The following CD2AP variants were observed in gnomAD, a reference collection of about 807,000 sequenced individuals.
CD2AP encodes CD2-associated protein.
In CD2AP, 46 loss-of-function variants were observed where a neutral mutation model predicts 85.1. That is an observed-to-expected ratio of 0.54 (90% CI 0.43 to 0.69). The LOEUF (loss-of-function observed/expected upper bound fraction) is 0.69. Among genes scored for constraint, CD2AP ranks in the 30% least tolerant of loss-of-function variants. CD2AP has a pLI of 0.00. For synonymous variants in CD2AP, 255 were observed against 252.9 expected, an observed-to-expected ratio of 1.01 and a Z score of -0.08; for missense variants, 769 against 729.5, an observed-to-expected ratio of 1.05 and a Z score of -0.62.
chr6:47,560,353 C>T (rs1029377131), intron 5 of CD2AP, among the ~76,000 whole-genome samples: 1 of 152,058 alleles, frequency 6.6e-6, no homozygotes, highest in African/African-American at 2.4e-5. Context: ...TCTGTAATCT[C>T]CATACACCTT....
intron 3 of CD2AP, among the ~76,000 whole-genome samples, chr6:47,542,086 T>G (rs1018609671): frequency 6.6e-6 from 1 of 152,240 alleles, no homozygotes; most frequent in Non-Finnish European, 1.5e-5. Context: ...TATTTCTTCT[T>G]TGAAGCCTTC....
intron 1 of CD2AP, among the ~76,000 whole-genome samples, chr6:47,485,402 T>C (rs1219270146): frequency 6.6e-6 from 1 of 152,090 alleles, no homozygotes; most frequent in Non-Finnish European, 1.5e-5. Flanking sequence ...AAGAAAGAAT[T>C]TTTAAATGGA....
intron 5 of CD2AP, among the ~76,000 whole-genome samples, chr6:47,565,434 C>A (rs1485395848): frequency 6.6e-6 from 1 of 152,088 alleles, no homozygotes; most frequent in African/African-American, 2.4e-5. Flanking sequence ...AAATTTTCCC[C>A]TTATTTTATG....
At chr6:47,496,785 G>C (rs952437407) in intron 1 of CD2AP, among the ~76,000 whole-genome samples, 1 of 152,064 alleles carries the variant, frequency 6.6e-6, no homozygotes, top group Non-Finnish European at 1.5e-5. Context: ...TAAATAATTA[G>C]TTTCTGTTGT....
At chr6:47,496,592 T>C (rs1472431342) in intron 1 of CD2AP, among the ~76,000 whole-genome samples, 1 of 152,210 alleles carries the variant, frequency 6.6e-6, no homozygotes, top group East Asian at 1.9e-4. Context: ...CAAACCACTT[T>C]AATATTTACT....
At chr6:47,541,798 A>G (rs1448384256) in intron 3 of CD2AP, among the ~76,000 whole-genome samples, 1 of 152,248 alleles carries the variant, frequency 6.6e-6, no homozygotes, top group Admixed American at 6.5e-5. Flanking sequence ...TGACAACTGT[A>G]CAAGAACATA....
chr6:47,540,093 G>A (rs1767166934), intron 3 of CD2AP, among the ~76,000 whole-genome samples: 1 of 150,730 alleles, frequency 6.6e-6, no homozygotes, highest in South Asian at 2.1e-4. Flanking sequence ...TGAGGTGGGA[G>A]GATTGCTTGA....
rs780521436 is a variant in CD2AP at position 47,503,400 on chromosome 6, T to A, written c.125T>A (p.Leu42Gln). 3.7e-6 allele frequency: 6 copies of A among 1,613,780 alleles called. No individual in the cohort carries two copies. Among genetic ancestry groups the A allele is most frequent in the Non-Finnish European group, 5.1e-6 (6 of 1,179,870 alleles). Reference sequence around the variant, plus strand: ...GAGGAAGGGTGGCTGGAAGGAGAACTAAATGGGAGAAGAGGAATGTTCCCT... The same window carrying A: ...GAGGAAGGGTGGCTGGAAGGAGAACAAAATGGGAGAAGAGGAATGTTCCCT... ...LQEEGWLEGE[L>Q]NGRRGMFPDN... The change falls in exon 2 of 18, where the codon CTA (leucine) becomes CAA (glutamine). Residue 42 changes from leucine to glutamine, a missense_variant. Physicochemically the swap from Leu to Gln is moderately radical, Grantham distance 113. Coordinates refer to ENST00000359314, the MANE Select transcript of CD2AP (RefSeq NM_012120.3).
chr6:47,574,826 AG>A (rs778682478), intron 6 of CD2AP, among the ~76,000 whole-genome samples: 70 of 152,242 alleles, frequency 4.6e-4, no homozygotes, highest in Non-Finnish European at 7.4e-4. Context: ...AGAACTAAAA[AG>A]AGGCTTTAAA....
At chr6:47,596,110 G>A in intron 12 of CD2AP, 84 bp downstream of exon 12, 2 of 969,006 alleles carry the variant, frequency 2.1e-6, no homozygotes, top group Admixed American at 3.7e-5. Flanking sequence ...AAATCTCCAG[G>A]TATGTTTTTT....
Position 47,609,314 on chromosome 6 carries a change from C to G in CD2AP, c.1814+10C>G. 3 of 1,603,936 alleles carry G rather than the reference C, an allele frequency of 1.9e-6. No individual in the cohort carries two copies. Among genetic ancestry groups the G allele is most frequent in the Non-Finnish European group, 2.6e-6 (3 of 1,171,382 alleles). ...TGAAAAAGGATCACGGGTAAGTAGC[C>G]CTTCTTTTCTCCTGTGAGTACTACT... is the stretch of plus-strand genomic sequence containing the variant. On this transcript the variant is annotated intron_variant, in intron 16 of 17. Coordinates refer to ENST00000359314, the MANE Select transcript of CD2AP (RefSeq NM_012120.3).
At chr6:47,562,409 A>G (rs2114076600) in intron 5 of CD2AP, among the ~76,000 whole-genome samples, 1 of 152,290 alleles carries the variant, frequency 6.6e-6, no homozygotes, top group Admixed American at 6.5e-5. Context: ...TAATGATGAG[A>G]GCTAGGAATA....
chr6:47,529,538 C>G (rs1326271962), intron 2 of CD2AP, among the ~76,000 whole-genome samples: 1 of 152,100 alleles, frequency 6.6e-6, no homozygotes, highest in South Asian at 2.1e-4. Context: ...AAACCCTGAA[C>G]TGGAATAGGT....
chr6:47,592,885 C>T (rs1768840868), intron 11 of CD2AP, among the ~76,000 whole-genome samples: 1 of 152,106 alleles, frequency 6.6e-6, no homozygotes, highest in South Asian at 2.1e-4. Flanking sequence ...AGTAAAGTGC[C>T]TTCCTGAGTT....
chr6:47,610,938 A>G (rs1163373556), intron 16 of CD2AP, among the ~76,000 whole-genome samples: 1 of 120,146 alleles, frequency 8.3e-6, no homozygotes, highest in East Asian at 2.2e-4. Flanking sequence ...AACGGATAAA[A>G]TATTTCTGAT....
chr6:47,579,253 T>TC, intron 8 of CD2AP, 132 bp from the exon 9 acceptor site: 1 of 641,840 alleles, frequency 1.6e-6, no homozygotes, highest in Non-Finnish European at 2.8e-6. Context: ...GAGGATCACT[T>TC]GAGCCCAGGA....
intron 2 of CD2AP, among the ~76,000 whole-genome samples, chr6:47,511,925 G>T (rs1011887774): frequency 1.2e-4 from 18 of 152,208 alleles, no homozygotes; most frequent in Middle Eastern, 6.8e-3. Flanking sequence ...TTGGGAGGCC[G>T]AGGTGGGCGG....
Position 47,587,792 on chromosome 6 carries a change from T to C in CD2AP, c.1108+5727T>C, listed in dbSNP as rs570026082. Among the ~76,000 whole-genome samples, 11 of 152,258 alleles carry C rather than the reference T, an allele frequency of 7.2e-5. No individual in the cohort carries two copies. The East Asian group carries it at 1.9e-3, about 27-fold the overall frequency. On this transcript the variant is annotated intron_variant, in intron 11 of 17. Transcript: ENST00000359314. ...CACTAAAATGGTAACTTTTATCTTA[T>C]GTCCTCCTCACTTCCTATACACACA... is the stretch of plus-strand genomic sequence containing the variant.
rs779327097 is a variant in CD2AP, at chr6:47,626,176, A to G, written c.*1949A>G. ...TTGTTGGTCATTTTCTCAATAGTAC[A>G]TGAAATCAAGATGCTTATGAGCATG... is the stretch of plus-strand genomic sequence containing the variant. On this transcript the variant is annotated 3_prime_UTR_variant, in exon 18 of 18. Coordinates refer to ENST00000359314, the MANE Select transcript of CD2AP (RefSeq NM_012120.3). 6.6e-6 allele frequency: 1 copy of G among 151,940 alleles called. No homozygotes were observed. Among genetic ancestry groups the G allele is most frequent in the Non-Finnish European group, 1.5e-5 (1 of 67,834 alleles). 9.4% of individuals were successfully genotyped at this position (151,940 alleles called of 1,614,324 possible).
Sources: gnomAD v4.1 joint callset for allele counts (sites outside exome capture counted in the v4.1 genomes callset) on GRCh38, gnomAD v4.1.1 for gene constraint, MANE v1.5 for transcripts, NCBI Gene and HGNC (gene_info 2026-07-23, HGNC 2026-07-21) for gene names.